The following MGST1 variants were observed in gnomAD, a reference collection of about 807,000 sequenced individuals.
The protein encoded by MGST1 is microsomal glutathione S-transferase 1, also known as glutathione S-transferase 12.
A neutral mutation model predicts 8.9 loss-of-function variants in MGST1; 5 were observed. The ratio of observed to expected loss-of-function variants is 0.56; its 90% CI spans 0.29 to 1.19. MGST1 has a LOEUF of 1.19. MGST1 is among the 50% of genes most tolerant of loss of function. The probability of loss-of-function intolerance (pLI) is 0.08; values close to 1 mark genes in which losing one functional copy is unlikely to be tolerated. For missense variants in MGST1, 182 were observed against 187.4 expected (o/e 0.97, Z 0.17); for synonymous variants, 54 against 67.8 (o/e 0.80, Z 1.00).
intron 4 of MGST1, among the ~76,000 whole-genome samples, chr12:16,574,209 G>A (rs537887276): frequency 1.3e-5 from 2 of 151,916 alleles, no homozygotes; most frequent in East Asian, 3.9e-4. Context: ...TACATATCTC[G>A]ATCACATTGA....
At chr12:16,518,930 T>A (rs1386929859) in intron 4 of MGST1, among the ~76,000 whole-genome samples, 1 of 152,220 alleles carries the variant, frequency 6.6e-6, no homozygotes, top group African/African-American at 2.4e-5. Context: ...AATAGGGAAT[T>A]CTTTCATATG....
chr12:16,422,756 T>G lies in MGST1; in HGVS notation n.779-14632T>G, dbSNP rs548754303. Among the ~76,000 whole-genome samples the G allele has an allele frequency of 2.0e-4, 30 of 152,330 alleles. 2 individuals are homozygous for G. Among genetic ancestry groups the G allele is most frequent in the Middle Eastern group, 6.8e-3 (2 of 294 alleles). On this transcript the variant is annotated intron_variant and non_coding_transcript_variant, in intron 1 of 1. Transcript: ENST00000359720. ...GATCAGAGTTTATTCTCAGGCCAGT[T>G]ACTAAGACAATGCTTTTCTGGTTAC...
At chr12:16,571,832 A>G (rs1404353216) in intron 4 of MGST1, among the ~76,000 whole-genome samples, 1 of 152,054 alleles carries the variant, frequency 6.6e-6, no homozygotes, top group Non-Finnish European at 1.5e-5. Context: ...TAGTTTTCAG[A>G]CTGAACTTGT....
intron 4 of MGST1, among the ~76,000 whole-genome samples, chr12:16,453,702 G>A (rs1331987616): frequency 1.3e-5 from 2 of 151,870 alleles, no homozygotes; most frequent in Non-Finnish European, 2.9e-5. Context: ...CCTATCCCCT[G>A]GCTGCTAGTG....
exon 1 of MGST1, chr12:16,382,937 C>T (rs1041315149): frequency 6.5e-6 from 1 of 152,782 alleles, no homozygotes; most frequent in Admixed American, 6.5e-5. Flanking sequence ...GCATGGGACC[C>T]TCCGAGCCAG....
In MGST1 at chr12:16,587,579, G is replaced by C. The variant is rs566527400; in HGVS notation, n.483-1949G>C. Among the ~76,000 whole-genome samples, 2 of 152,158 alleles carry C rather than the reference G, an allele frequency of 1.3e-5. No individual in the cohort carries two copies. The highest frequency in any genetic ancestry group is 2.1e-4 in the South Asian group (1 of 4,820). On this transcript the variant is annotated intron_variant and non_coding_transcript_variant, in intron 4 of 4. Transcript: ENST00000538857. The surrounding 1 kb of genome is among the most constrained non-coding windows in gnomAD (Gnocchi z 4.3). ...GCCTACATGGTTGACTACCCTTGGT[G>C]TTAAATTTTCTTAAATTGTATTTCT...
rs1943302369 is a variant in MGST1, at chr12:16,585,831, A to T, written n.483-3697A>T. On this transcript the variant is annotated intron_variant and non_coding_transcript_variant, in intron 4 of 4. Transcript: ENST00000538857. This position sits in a 1 kb window ranked among gnomAD's most constrained non-coding sequence, Gnocchi z 4.7. ...ATTTGATCTGGGCTTCCCAGGAAAC[A>T]AAGAAAAGAGGGAAAATGTCAACAT... Among the ~76,000 whole-genome samples the T allele has an allele frequency of 6.6e-6, 1 of 152,206 alleles. No individual in the cohort carries two copies. Among genetic ancestry groups the T allele is most frequent in the Non-Finnish European group, 1.5e-5 (1 of 68,032 alleles).
intron 4 of MGST1, among the ~76,000 whole-genome samples, chr12:16,511,090 T>A (rs1385994561): frequency 6.6e-6 from 1 of 152,276 alleles, no homozygotes; most frequent in Non-Finnish European, 1.5e-5. Flanking sequence ...TAAGTTTATA[T>A]TCAAAGTTAA....
chr12:16,442,901 C>A (rs1941050139), downstream of MGST1, among the ~76,000 whole-genome samples: 1 of 151,496 alleles, frequency 6.6e-6, no homozygotes, highest in South Asian at 2.1e-4. This position sits in a 1 kb window ranked among gnomAD's most constrained non-coding sequence, Gnocchi z 4.5. Flanking sequence ...TCATATTGTT[C>A]TAATCTTTTA....
chr12:16,365,758 C>T (rs1160273649), downstream of MGST1, among the ~76,000 whole-genome samples: 2 of 152,222 alleles, frequency 1.3e-5, no homozygotes, highest in Admixed American at 1.3e-4. Context: ...CACACACACA[C>T]ACACACACAC....
chr12:16,534,817 G>A (rs1308426404), intron 4 of MGST1, among the ~76,000 whole-genome samples: 2 of 152,080 alleles, frequency 1.3e-5, no homozygotes, highest in African/African-American at 4.8e-5. Flanking sequence ...CAATCAATTG[G>A]GAAATGCATT....
In MGST1 at chr12:16,364,348, G is replaced by GCCC; in HGVS notation, c.*307_*308insCCC. 1 of 1,026,386 alleles carries GCCC rather than the reference G, an allele frequency of 9.7e-7. No individual in the cohort carries two copies. Among genetic ancestry groups the GCCC allele is most frequent in the African/African-American group, 1.7e-5 (1 of 59,188 alleles). The allele number at this position is 1,026,386 out of a possible 1,614,324, so 63.6% of individuals were successfully genotyped here. ...TTTTGAATCTATAAAAGAATTGCAC[G>GCCC]TATGAGAAACCTATATTTCAATACT... is the stretch of plus-strand genomic sequence containing the variant. On this transcript the variant is annotated 3_prime_UTR_variant, in exon 4 of 4. Transcript: ENST00000396210. The surrounding 1 kb of genome is among the most constrained non-coding windows in gnomAD (Gnocchi z 5.7).
intron 3 of MGST1, among the ~76,000 whole-genome samples, chr12:16,371,057 C>T (rs143044047): frequency 7.3e-4 from 111 of 152,114 alleles, no homozygotes; most frequent in Non-Finnish European, 1.5e-3. Context: ...CATTGAATTA[C>T]CTCCATTTAA....
chr12:16,480,926 A>C (rs1253761287), intron 4 of MGST1, among the ~76,000 whole-genome samples: 2 of 152,212 alleles, frequency 1.3e-5, no homozygotes, highest in Non-Finnish European at 2.9e-5. Context: ...AACAAACAAA[A>C]AAACAAAAAA....
Position 16,369,562 on chromosome 12 carries a change from CA to C in MGST1, c.222-6557del, listed in dbSNP as rs1940256163. 6.6e-6 allele frequency among the ~76,000 whole-genome samples: 1 copy of C among 152,054 alleles called. No homozygotes were observed. The highest frequency in any genetic ancestry group is 1.5e-5 in the Non-Finnish European group (1 of 68,014). ...GCTCAGCAAACTATGGACTCTGGGC[CA>C]AATACAGCCCATGGGCTGTTTTTAT... On this transcript the variant is annotated intron_variant, in intron 3 of 3. Transcript: ENST00000535309. The surrounding 1 kb of genome is among the most constrained non-coding windows in gnomAD (Gnocchi z 4.8).
chr12:16,453,291 G>A (rs1941144456), intron 4 of MGST1, among the ~76,000 whole-genome samples: 1 of 151,870 alleles, frequency 6.6e-6, no homozygotes, highest in African/African-American at 2.4e-5. Context: ...GATATAAAAA[G>A]CTGTTAAATT....
exon 2 of MGST1, chr12:16,437,684 A>G (rs1162711335): frequency 6.6e-6 from 1 of 152,028 alleles, no homozygotes; most frequent in African/African-American, 2.4e-5. Flanking sequence ...GAAAATGAAG[A>G]CATCCTTCCA....
At chr12:16,475,236 A>G (rs1164226956) in intron 4 of MGST1, among the ~76,000 whole-genome samples, 2 of 152,226 alleles carry the variant, frequency 1.3e-5, no homozygotes, top group Non-Finnish European at 2.9e-5. Context: ...GTTAATAAAA[A>G]TGGATGAAAA....
At chr12:16,477,877 A>T (rs548095799) in intron 4 of MGST1, among the ~76,000 whole-genome samples, 2 of 152,292 alleles carry the variant, frequency 1.3e-5, no homozygotes, top group South Asian at 4.1e-4. Flanking sequence ...AGAACTTTTT[A>T]GTATTAGCTG....
Sources: allele counts gnomAD v4.1 joint callset (sites outside exome capture counted in the v4.1 genomes callset), GRCh38; gene constraint gnomAD v4.1.1; non-coding constraint Gnocchi (gnomAD v3.1); transcripts MANE v1.5; gene names NCBI Gene and HGNC (gene_info 2026-07-23, HGNC 2026-07-21).